The following PTPRG variants were observed in gnomAD, a reference collection of about 807,000 sequenced individuals.
PTPRG encodes the protein protein tyrosine phosphatase receptor type G, also known as receptor-type tyrosine-protein phosphatase gamma.
Under a neutral mutation model 165.3 loss-of-function variants are expected in PTPRG, and 102 were observed. The ratio of observed to expected loss-of-function variants is 0.62; its 90% confidence interval spans 0.53 to 0.73. PTPRG has a LOEUF of 0.73. PTPRG is among the 30% of genes least tolerant of loss of function. The pLI, the probability that PTPRG is intolerant of heterozygous loss-of-function variation, is 0.00. For synonymous variants in PTPRG, 675 were observed against 669.5 expected (o/e 1.01, Z -0.13); for missense variants, 1,866 against 1,861.4 (o/e 1.00, Z -0.05).
chr3:61,970,564 T>C (rs1451509844), intron 2 of PTPRG, among the ~76,000 whole-genome samples: 1 of 152,192 alleles, frequency 6.6e-6, no homozygotes, highest in Non-Finnish European at 1.5e-5. Flanking sequence ...TACCTATAAA[T>C]ATGCAAGGGG....
At chr3:61,761,048 C>G (rs1425973455) in intron 2 of PTPRG, among the ~76,000 whole-genome samples, 1 of 152,120 alleles carries the variant, frequency 6.6e-6, no homozygotes, top group East Asian at 1.9e-4. Context: ...GTGCACAGTG[C>G]TGCGATGAAC....
intron 1 of PTPRG, among the ~76,000 whole-genome samples, chr3:61,721,886 T>C (rs78109606): frequency 6.6e-6 from 1 of 152,164 alleles, no homozygotes; most frequent in Non-Finnish European, 1.5e-5. Context: ...TGGAACCTCA[T>C]ATTGTTTCTG....
intron 1 of PTPRG, among the ~76,000 whole-genome samples, chr3:61,706,962 A>C (rs1446541580): frequency 6.6e-6 from 1 of 152,200 alleles, no homozygotes; most frequent in East Asian, 1.9e-4. Flanking sequence ...CATATGGGGA[A>C]ATACCTAATT....
At chr3:61,665,047 C>A (rs1702773056) in intron 1 of PTPRG, among the ~76,000 whole-genome samples, 1 of 152,214 alleles carries the variant, frequency 6.6e-6, no homozygotes, top group African/African-American at 2.4e-5. Flanking sequence ...GGAACCCTCA[C>A]AAGAGGATCC....
At chr3:61,814,076 T>G (rs2035681018) in intron 2 of PTPRG, among the ~76,000 whole-genome samples, 2 of 152,114 alleles carry the variant, frequency 1.3e-5, no homozygotes, top group African/African-American at 4.8e-5. Flanking sequence ...AATTTTTGTA[T>G]TTTTAGTAGA....
At chr3:61,660,186 C>G (rs1278607911) in intron 1 of PTPRG, among the ~76,000 whole-genome samples, 1 of 152,176 alleles carries the variant, frequency 6.6e-6, no homozygotes, top group South Asian at 2.1e-4. Flanking sequence ...GATCATGCCA[C>G]TGCACTCCAG....
At chr3:62,115,567 T>C (rs1368616361) in intron 5 of PTPRG, among the ~76,000 whole-genome samples, 1 of 152,078 alleles carries the variant, frequency 6.6e-6, no homozygotes, top group East Asian at 1.9e-4. Context: ...ATTATTAATT[T>C]CTAGTATCTC....
rs1354856824 is a variant in PTPRG at position 61,865,550 on chromosome 3, C to T, written c.190+116568C>T. 3.9e-5 allele frequency among the ~76,000 whole-genome samples: 6 copies of T among 152,160 alleles called. No homozygotes were observed. In the South Asian group the frequency reaches 1.0e-3, roughly 26 times the overall value. On this transcript the variant is annotated intron_variant, in intron 2 of 29. Coordinates refer to ENST00000474889, the MANE Select transcript of PTPRG (RefSeq NM_002841.4). ...TATCACCCTAAGCTAGGGAGTAGGT[C>T]GAATTAAGGGTACTACCTTCATATG...
At chr3:61,725,914 A>G (rs987372272) in intron 1 of PTPRG, among the ~76,000 whole-genome samples, 1 of 152,106 alleles carries the variant, frequency 6.6e-6, no homozygotes, top group African/African-American at 2.4e-5. Context: ...GCCCAGCAGG[A>G]GAGTTCTCTG....
chr3:62,149,897 A>G (rs1704264626), intron 6 of PTPRG, among the ~76,000 whole-genome samples: 1 of 152,100 alleles, frequency 6.6e-6, no homozygotes, highest in South Asian at 2.1e-4. Flanking sequence ...TGGACAGTTG[A>G]TCTTTTCCTT....
At chr3:61,629,888 G>T (rs1701721421) in intron 1 of PTPRG, among the ~76,000 whole-genome samples, 1 of 152,200 alleles carries the variant, frequency 6.6e-6, no homozygotes. Flanking sequence ...AGCCTTTCAA[G>T]GGCCCTTCTG....
In PTPRG at chr3:62,043,469, C is replaced by T. The variant is rs150238976; in HGVS notation, c.520-34694C>T. ...GATAATGCAATTAGAATTCTTTTTA[C>T]CTTTATGCGATCAGTTTAGAGCCCT... On this transcript the variant is annotated intron_variant, in intron 4 of 29. Transcript: ENST00000474889. Among the ~76,000 whole-genome samples, 82 of 152,210 alleles carry T rather than the reference C, an allele frequency of 5.4e-4. 2 individuals are homozygous for T. In the East Asian group the frequency reaches 0.012, roughly 23 times the overall value.
chr3:61,754,144 C>T (rs1183798657), intron 2 of PTPRG, among the ~76,000 whole-genome samples: 1 of 152,152 alleles, frequency 6.6e-6, no homozygotes, highest in Non-Finnish European at 1.5e-5. Flanking sequence ...CAAAATTCCC[C>T]GTAAGACATT....
In PTPRG at chr3:62,293,481, T is replaced by C. The variant is rs1363883589; in HGVS notation, c.*174T>C. 6 of 507,422 alleles carry C rather than the reference T, an allele frequency of 1.2e-5. No homozygotes were observed. The highest frequency in any genetic ancestry group is 3.8e-4 in the Middle Eastern group (1 of 2,646). 31.4% of individuals were successfully genotyped at this position (507,422 alleles called of 1,614,324 possible). ...GTCTTAATGGTATCCTACTGAGCAT[T>C]TGCACCTCTGTTCATTTCACACAGT... On this transcript the variant is annotated 3_prime_UTR_variant, in exon 30 of 30. Transcript: ENST00000474889.
At chr3:62,109,765 G>A (rs1262233387) in intron 5 of PTPRG, among the ~76,000 whole-genome samples, 1 of 152,152 alleles carries the variant, frequency 6.6e-6, no homozygotes, top group African/African-American at 2.4e-5. Context: ...AACAGCTGCA[G>A]CCCACACCCT....
chr3:61,800,703 G>T (rs2035203332), intron 2 of PTPRG, among the ~76,000 whole-genome samples: 1 of 151,724 alleles, frequency 6.6e-6, no homozygotes, highest in Non-Finnish European at 1.5e-5. Context: ...GAGTGCAGTG[G>T]CATGATCTCG....
At chr3:61,731,686 C>G (rs1360282572) in intron 1 of PTPRG, among the ~76,000 whole-genome samples, 1 of 152,050 alleles carries the variant, frequency 6.6e-6, no homozygotes, top group African/African-American at 2.4e-5. Flanking sequence ...GCTTTAAAGC[C>G]ACACATGCCA....
chr3:61,685,143 A>G (rs928085668), intron 1 of PTPRG, among the ~76,000 whole-genome samples: 14 of 152,226 alleles, frequency 9.2e-5, no homozygotes, highest in Non-Finnish European at 2.1e-4. Flanking sequence ...TAAACGAGAT[A>G]GTACATTTAA....
chr3:62,193,778 T>C (rs1041528607), intron 9 of PTPRG, among the ~76,000 whole-genome samples: 1 of 152,234 alleles, frequency 6.6e-6, no homozygotes, highest in Admixed American at 6.5e-5. Flanking sequence ...TCAGAGGTTT[T>C]CAATAGCTGC....
Sources: allele counts gnomAD v4.1 joint callset (sites outside exome capture counted in the v4.1 genomes callset), GRCh38; gene constraint gnomAD v4.1.1; transcripts MANE v1.5; gene names NCBI Gene and HGNC (gene_info 2026-07-23, HGNC 2026-07-21).